Variants in AKR1E2 observed in about 807,000 individuals in gnomAD.
AKR1E2 encodes the protein 1,5-anhydro-D-fructose reductase.
A neutral mutation model predicts 41.9 loss-of-function variants in AKR1E2; 43 were observed. The ratio of observed to expected loss-of-function variants is 1.03; its 90% CI spans 0.80 to 1.32. The LOEUF (loss-of-function observed/expected upper bound fraction) is 1.32, where lower values mean the gene tolerates loss of function less well. Ranked by LOEUF, AKR1E2 falls within the 40% of genes most tolerant of loss-of-function variation. The pLI, the probability that AKR1E2 is intolerant of heterozygous loss-of-function variation, is 0.00. For missense variants in AKR1E2, 423 were observed against 396.5 expected, an observed-to-expected ratio of 1.07 and a Z score of -0.57; for synonymous variants, 121 against 138.9, an observed-to-expected ratio of 0.87 and a Z score of 0.91.
chr10:4,860,479 G>A, the AKR1E2 span, among the ~76,000 whole-genome samples: 2 of 152,156 alleles, frequency 1.3e-5, no homozygotes, highest in Non-Finnish European at 2.9e-5. Context: ...GGACAGCATT[G>A]TTGTCCTGTC....
At chr10:4,859,467 C>T in the AKR1E2 span, among the ~76,000 whole-genome samples, 1 of 152,252 alleles carries the variant, frequency 6.6e-6, no homozygotes, top group South Asian at 2.1e-4. Context: ...GAAAAACAGT[C>T]AGAAATGCAA....
downstream of AKR1E2, among the ~76,000 whole-genome samples, chr10:4,849,382 A>G (rs1440565750): frequency 6.6e-6 from 1 of 152,210 alleles, no homozygotes; most frequent in Non-Finnish European, 1.5e-5. Flanking sequence ...CTGTCTACCT[A>G]GAGGTGTTAG....
downstream of AKR1E2, among the ~76,000 whole-genome samples, chr10:4,851,530 C>T (rs1019431770): frequency 2.0e-5 from 3 of 152,188 alleles, no homozygotes; most frequent in African/African-American, 4.8e-5. Flanking sequence ...ACTTCTGTCA[C>T]GTATCGCCTC....
At chr10:4,864,397 A>G in the AKR1E2 span, among the ~76,000 whole-genome samples, 4 of 152,326 alleles carry the variant, frequency 2.6e-5, no homozygotes, top group Middle Eastern at 3.4e-3. Context: ...AAGGCCTTTG[A>G]CAAAATTCAA....
At chr10:4,840,998 G>A (rs1418739188) in intron 6 of AKR1E2, among the ~76,000 whole-genome samples, 2 of 152,180 alleles carry the variant, frequency 1.3e-5, no homozygotes, top group Non-Finnish European at 2.9e-5. Context: ...TATCACCTGT[G>A]TGTTTTCCTT....
At chr10:4,859,585 T>A in the AKR1E2 span, among the ~76,000 whole-genome samples, 522 of 152,312 alleles carry the variant, frequency 3.4e-3, 1 homozygote, top group African/African-American at 0.012. Context: ...AAGATCTAAG[T>A]GTGGGGATAC....
intron 3 of AKR1E2, 79 bp from the exon 4 acceptor site, chr10:4,835,596 G>T: frequency 6.6e-7 from 1 of 1,510,698 alleles, no homozygotes; most frequent in Non-Finnish European, 8.9e-7. Context: ...CTGTGGCTTG[G>T]ATGCAGGTCT....
intron 8 of AKR1E2, chr10:4,846,028 C>T (rs529233363): frequency 3.3e-4 from 121 of 370,092 alleles, no homozygotes; most frequent in African/African-American, 2.2e-3. Flanking sequence ...GCCCCAGTGC[C>T]GCTCAGAACT....
rs556103135 is a variant in AKR1E2, at chr10:4,842,951, T to C, written c.837+447T>C. Among the ~76,000 whole-genome samples, 8 of 152,258 alleles carry C rather than the reference T, an allele frequency of 5.3e-5. No homozygotes were observed. In the South Asian group the frequency reaches 8.3e-4, roughly 16 times the overall value. On this transcript the variant is annotated intron_variant, in intron 8 of 9. Coordinates refer to ENST00000298375, the MANE Select transcript of AKR1E2 (RefSeq NM_001040177.3). ...GGCCTGAGGGCACTGCTTTGAGTTG[T>C]GTGGGAAGATTCTGGTCCTGACTCC...
At chr10:4,842,582 GCCT>G in intron 8 of AKR1E2, 78 bp downstream of exon 8, 11 of 1,384,586 alleles carry the variant, frequency 7.9e-6, no homozygotes, top group Non-Finnish European at 1.0e-5. Flanking sequence ...GTAGCATACA[GCCT>G]CAGGGTTGCG....
At position 4,835,933 on chromosome 10, in the gene AKR1E2, G is replaced by C. The variant is rs1043384644; in HGVS notation, c.459+124G>C. On this transcript the variant is annotated intron_variant, in intron 4 of 9. Transcript: ENST00000298375. ...GTCTACCTGAGATGTGGGGTTTGTGGAGCAAAAAAGGAATCAATACCCGAA... is the reference window on the plus strand; with the variant it reads ...GTCTACCTGAGATGTGGGGTTTGTGCAGCAAAAAAGGAATCAATACCCGAA... 33 of 1,369,464 alleles carry C rather than the reference G, an allele frequency of 2.4e-5. No individual in the cohort carries two copies. The African/African-American group carries it at 4.7e-4, about 19-fold the overall frequency. The allele number at this position is 1,369,464 out of a possible 1,614,324, so 84.8% of individuals were successfully genotyped here.
chr10:4,847,217 G>C lies in AKR1E2; in HGVS notation c.907G>C (p.Ala303Pro). Residue 303 changes from alanine (A) to proline (P), a missense_variant, in exon 9 of 10, where the codon GCC becomes CCC. Coordinates refer to ENST00000298375, the MANE Select transcript of AKR1E2 (RefSeq NM_001040177.3). Reference sequence around the variant, plus strand: ...CAGCCTAAACAGGAATCTCCGACTGGCCATGTTCCCCATGTAAATATGGCT... The same window carrying C: ...CAGCCTAAACAGGAATCTCCGACTGCCCATGTTCCCCATGTAAATATGGCT... ...ILSLNRNLRLAMFPITKNHKD... is the reference protein window; with the variant it reads ...ILSLNRNLRLPMFPITKNHKD... 1 of 1,614,080 alleles carries C rather than the reference G, an allele frequency of 6.2e-7. No homozygotes were observed. Among genetic ancestry groups the C allele is most frequent in the Non-Finnish European group, 8.5e-7 (1 of 1,179,950 alleles).
chr10:4,859,002 T>C, the AKR1E2 span, among the ~76,000 whole-genome samples: 9 of 151,960 alleles, frequency 5.9e-5, no homozygotes, highest in African/African-American at 2.2e-4. Context: ...TTTTGTATTT[T>C]TAGTAGAGAC....
chr10:4,828,721 T>C (rs2961571), intron 1 of AKR1E2, among the ~76,000 whole-genome samples: 31,037 of 152,166 alleles, frequency 0.2, 3,356 homozygotes, highest in Middle Eastern at 0.34. Context: ...TGTTAATAAA[T>C]TGTCCTGAAT....
intron 4 of AKR1E2, among the ~76,000 whole-genome samples, chr10:4,836,363 G>A (rs576299498): frequency 4.5e-4 from 69 of 152,222 alleles, no homozygotes; most frequent in South Asian, 3.3e-3. Context: ...ACTTGAGCAG[G>A]AAATTAAGGG....
intron 2 of AKR1E2, among the ~76,000 whole-genome samples, chr10:4,831,745 G>A (rs79871172): frequency 0.035 from 5,303 of 152,306 alleles, 148 homozygotes; most frequent in East Asian, 0.11. Context: ...GAGGCTGAGT[G>A]GTGGATAGGC....
At chr10:4,857,803 C>G in the AKR1E2 span, among the ~76,000 whole-genome samples, 5 of 152,078 alleles carry the variant, frequency 3.3e-5, no homozygotes, top group Non-Finnish European at 5.9e-5. Flanking sequence ...TTTTACACTA[C>G]TCTCTCATAC....
the AKR1E2 span, among the ~76,000 whole-genome samples, chr10:4,855,339 TAAG>T: frequency 4.6e-5 from 7 of 152,228 alleles, no homozygotes; most frequent in Non-Finnish European, 2.9e-5. Context: ...TGTTCTGTCA[TAAG>T]GAGGAGTATC....
the AKR1E2 span, among the ~76,000 whole-genome samples, chr10:4,862,265 G>C: frequency 6.6e-6 from 1 of 152,042 alleles, no homozygotes; most frequent in African/African-American, 2.4e-5. Flanking sequence ...ATTTCTGAGG[G>C]CTCTGTTCTG....
Sources: gnomAD v4.1 joint callset for allele counts (sites outside exome capture counted in the v4.1 genomes callset) on GRCh38, gnomAD v4.1.1 for gene constraint, MANE v1.5 for transcripts, NCBI Gene and HGNC (gene_info 2026-07-23, HGNC 2026-07-21) for gene names.